The following HIPK3 variants were observed in gnomAD, a reference collection of about 807,000 sequenced individuals.
HIPK3 encodes the protein homeodomain interacting protein kinase 3.
HIPK3 carries 47 observed loss-of-function variants against 124.2 expected under a neutral mutation model. The observed-to-expected ratio is 0.38, with a 90% CI of 0.30 to 0.48. HIPK3 has a LOEUF of 0.48. Ranked by LOEUF, HIPK3 falls within the 20% of genes least tolerant of loss-of-function variation. The pLI is 0.98. For synonymous variants in HIPK3, 482 were observed against 515.2 expected (o/e 0.94, Z 0.87); for missense variants, 1,286 against 1,454.3 (o/e 0.88, Z 1.88).
intron 12 of HIPK3, 52 bp from the exon 13 acceptor site, chr11:33,348,466 CAATT>C: frequency 7.2e-7 from 1 of 1,392,014 alleles, no homozygotes; most frequent in Non-Finnish European, 9.8e-7. Flanking sequence ...ATACCTTAGA[CAATT>C]GATTATACAT....
intron 2 of HIPK3, among the ~76,000 whole-genome samples, chr11:33,312,791 G>A (rs897965048): frequency 2.0e-5 from 3 of 152,118 alleles, no homozygotes; most frequent in Admixed American, 2.0e-4. Flanking sequence ...TGGGTTTAAG[G>A]GAGACTAGTT....
At chr11:33,342,074 G>A (rs1216852254) in intron 8 of HIPK3, among the ~76,000 whole-genome samples, 1 of 136,312 alleles carries the variant, frequency 7.3e-6, no homozygotes, top group African/African-American at 2.7e-5. Context: ...CTGCGCTCTA[G>A]CCTGGGCGAC....
In HIPK3 at chr11:33,337,216, T is replaced by A. The variant is rs771868694; in HGVS notation, c.1341+22T>A. The A allele has an allele frequency of 1.6e-5, 23 of 1,434,194 alleles. No homozygotes were observed. The African/African-American group carries it at 2.4e-4, about 15-fold the overall frequency. The allele number at this position is 1,434,194 out of a possible 1,614,324, so 88.8% of individuals were successfully genotyped here. A position where few individuals can be genotyped will look rare whatever the true frequency, so the allele number is the denominator to read the frequency against. ...AAAGGTAATTCATTAAAAAATAGAA[T>A]ATTTAGAAGACTAGTTTTCTAAGAT... On this transcript the variant is annotated intron_variant, in intron 4 of 16. Coordinates refer to ENST00000303296, the MANE Select transcript of HIPK3 (RefSeq NM_005734.5).
In HIPK3 at chr11:33,352,276, T is replaced by C. The variant is rs779576430; in HGVS notation, c.3171+11T>C. Reference sequence around the variant, plus strand: ...TTGAACTTCAGTCAGGTATGTTCATTTGTGGATATGTAGGAGTCTGTGGGA... The same window carrying C: ...TTGAACTTCAGTCAGGTATGTTCATCTGTGGATATGTAGGAGTCTGTGGGA... On this transcript the variant is annotated intron_variant, in intron 16 of 16. Coordinates refer to ENST00000303296, the MANE Select transcript of HIPK3 (RefSeq NM_005734.5). 123 of 1,613,356 alleles carry C rather than the reference T, an allele frequency of 7.6e-5. No individual in the cohort carries two copies. Among genetic ancestry groups the C allele is most frequent in the Non-Finnish European group, 9.6e-5 (113 of 1,179,696 alleles).
intron 2 of HIPK3, among the ~76,000 whole-genome samples, chr11:33,305,503 C>G (rs768370763): frequency 2.8e-4 from 42 of 152,180 alleles, no homozygotes; most frequent in Non-Finnish European, 4.3e-4. Context: ...ACCCTTTACT[C>G]TGACACCAAC....
At chr11:33,291,165 T>G (rs1284437844) in intron 2 of HIPK3, among the ~76,000 whole-genome samples, 1 of 152,206 alleles carries the variant, frequency 6.6e-6, no homozygotes, top group African/African-American at 2.4e-5. Context: ...CTACTCTGTT[T>G]AAGTATTTGT....
At chr11:33,338,909 C>T in intron 5 of HIPK3, 66 bp downstream of exon 5, 1 of 1,089,940 alleles carries the variant, frequency 9.2e-7, no homozygotes, top group Non-Finnish European at 1.4e-6. Context: ...GCCAAGGGGC[C>T]CAAAACATGT....
chr11:33,284,290 G>C (rs1851490179), intron 1 of HIPK3, among the ~76,000 whole-genome samples: 1 of 152,104 alleles, frequency 6.6e-6, no homozygotes, highest in Non-Finnish European at 1.5e-5. Flanking sequence ...CTTTGCTTTA[G>C]ATCTAGTGTG....
At chr11:33,283,887 C>G (rs1332944459) in intron 1 of HIPK3, among the ~76,000 whole-genome samples, 1 of 151,924 alleles carries the variant, frequency 6.6e-6, no homozygotes, top group East Asian at 1.9e-4. Context: ...GTTGGCCAGG[C>G]TGGTCTCGAG....
At chr11:33,348,334 T>C (rs1248773935) in intron 12 of HIPK3, 106 bp downstream of exon 12, 4 of 1,103,370 alleles carry the variant, frequency 3.6e-6, no homozygotes, top group African/African-American at 3.2e-5. Flanking sequence ...TAAATGTATG[T>C]AAATGCAGTC....
chr11:33,295,635 CTT>C (rs1851824453), intron 2 of HIPK3, among the ~76,000 whole-genome samples: 1 of 152,230 alleles, frequency 6.6e-6, no homozygotes, highest in Non-Finnish European at 1.5e-5. Flanking sequence ...GCCTCTGACA[CTT>C]TTGAAGCGTA....
intron 1 of HIPK3, among the ~76,000 whole-genome samples, chr11:33,276,898 T>C (rs1483089445): frequency 6.6e-6 from 1 of 151,874 alleles, no homozygotes; most frequent in Non-Finnish European, 1.5e-5. Context: ...AGAGACGGGG[T>C]TTCATCATGT....
In HIPK3 at chr11:33,257,523, G is replaced by T; in HGVS notation, c.-369G>T. On this transcript the variant is annotated 5_prime_UTR_variant, in exon 1 of 17. Transcript: ENST00000303296. ...GTCAGGAATGGGCCCCAATCGCCGT[G>T]GGCCCCGCACCCTGCGTCGCCCGTA... is the stretch of plus-strand genomic sequence containing the variant. 1 of 985,606 alleles carries T rather than the reference G, an allele frequency of 1.0e-6. No individual in the cohort carries two copies. The highest frequency in any genetic ancestry group is 5.2e-4 in the Middle Eastern group (1 of 1,914). The allele number at this position is 985,606 out of a possible 1,614,324, so 61.1% of individuals were successfully genotyped here. A position where few individuals can be genotyped will look rare whatever the true frequency, so the allele number is the denominator to read the frequency against.
chr11:33,302,815 A>G (rs1431479879), intron 2 of HIPK3, among the ~76,000 whole-genome samples: 1 of 152,156 alleles, frequency 6.6e-6, no homozygotes, highest in Non-Finnish European at 1.5e-5. Context: ...AGGCTACTTA[A>G]TTTTATATGT....
At chr11:33,258,029 CCGTGCCCCATCCGCATCCCCAGCGCTCT>C (rs1275302840) in intron 1 of HIPK3, 140 bp downstream of exon 1, 2 of 675,532 alleles carry the variant, frequency 3.0e-6, no homozygotes. Context: ...ATTGCGCGTC[CCGTGCCCCATCCGCATCCCCAGCGCTCT>C]CGTGCTCCCA....
At chr11:33,274,356 T>A (rs908760684) in intron 1 of HIPK3, among the ~76,000 whole-genome samples, 3 of 152,182 alleles carry the variant, frequency 2.0e-5, no homozygotes, top group African/African-American at 7.2e-5. Context: ...AAATAAAAGT[T>A]TTGTGGTGGT....
intron 1 of HIPK3, among the ~76,000 whole-genome samples, chr11:33,266,463 T>C (rs1644238154): frequency 6.6e-6 from 1 of 152,196 alleles, no homozygotes; most frequent in South Asian, 2.1e-4. Context: ...TCTGGGAGGC[T>C]GAAGTGGGTG....
At position 33,265,537 on chromosome 11, in the gene HIPK3, G is replaced by A. The variant is rs1472462886; in HGVS notation, c.-3+7648G>A. 2.0e-5 allele frequency among the ~76,000 whole-genome samples: 3 copies of A among 151,926 alleles called. No individual in the cohort carries two copies. In the South Asian group the frequency reaches 6.2e-4, roughly 32 times the overall value. On this transcript the variant is annotated intron_variant, in intron 1 of 16. Coordinates refer to ENST00000303296, the MANE Select transcript of HIPK3 (RefSeq NM_005734.5). ...GCCTGTAATCCCAGCACTTTGGGAG[G>A]CTGTGGTGTGTGGATCGCTTGAGCA...
intron 1 of HIPK3, among the ~76,000 whole-genome samples, chr11:33,277,387 A>G (rs1483409101): frequency 6.6e-6 from 1 of 152,200 alleles, no homozygotes; most frequent in Non-Finnish European, 1.5e-5. Context: ...GCTGCACTTC[A>G]TCAGTTCTAG....
Sources: allele counts gnomAD v4.1 joint callset (sites outside exome capture counted in the v4.1 genomes callset), GRCh38; gene constraint gnomAD v4.1.1; transcripts MANE v1.5; gene names NCBI Gene and HGNC (gene_info 2026-07-23, HGNC 2026-07-21).